Variants in MYO9B observed in about 807,000 individuals in gnomAD.
MYO9B encodes the protein myosin IXB.
Under a neutral mutation model 229.5 loss-of-function variants are expected in MYO9B, and 71 were observed. That is an observed-to-expected ratio of 0.31 (90% CI 0.26 to 0.38). MYO9B has a LOEUF of 0.38. Among genes scored for constraint, MYO9B ranks in the 10% least tolerant of loss-of-function variants. The pLI is 1.00. For synonymous variants in MYO9B, 1,185 were observed against 1,235.8 expected (o/e 0.96, Z 0.86); for missense variants, 2,255 against 2,920.5 (o/e 0.77, Z 5.25).
At chr19:17,077,053 C>T (rs913664836) in intron 1 of MYO9B, among the ~76,000 whole-genome samples, 5 of 152,120 alleles carry the variant, frequency 3.3e-5, no homozygotes, top group Non-Finnish European at 7.4e-5. Context: ...CAGAGAGTCC[C>T]AACTCGGTTT....
chr19:17,203,024 G>A lies in MYO9B; in HGVS notation c.4879-123G>A, dbSNP rs2305764. ...ACACGTGTGAGTGTGTTTTTCCCCCGGCATATACGGAGCCGTAGTCTTGAA... is the reference window on the plus strand; with the variant it reads ...ACACGTGTGAGTGTGTTTTTCCCCCAGCATATACGGAGCCGTAGTCTTGAA... On this transcript the variant is annotated intron_variant, in intron 29 of 39. Transcript: ENST00000682292. 598,985 of 1,359,810 alleles carry A rather than the reference G, an allele frequency of 0.44. 139,241 individuals are homozygous for A. The highest frequency in any genetic ancestry group is 0.75 in the East Asian group (29,621 of 39,380). 84.2% of individuals were successfully genotyped at this position (1,359,810 alleles called of 1,614,324 possible).
chr19:17,081,546 C>T (rs561230104), intron 1 of MYO9B, among the ~76,000 whole-genome samples: 42 of 152,182 alleles, frequency 2.8e-4, no homozygotes, highest in Admixed American at 2.6e-3. Context: ...CAGTGGCTTA[C>T]GCCTGTAATC....
chr19:17,162,253 C>A lies in MYO9B; in HGVS notation c.1420-97C>A, dbSNP rs1343330192. ...CCAGGAGGTGGAGGTTGCAGTGAGC[C>A]GAGATCATGCCACTGCACTCCAGCC... On this transcript the variant is annotated intron_variant, in intron 8 of 39. Coordinates refer to ENST00000682292, the MANE Select transcript of MYO9B (RefSeq NM_004145.4). 3 of 989,498 alleles carry A rather than the reference C, an allele frequency of 3.0e-6. No homozygotes were observed. In the East Asian group the frequency reaches 8.1e-5, roughly 27 times the overall value. The allele number at this position is 989,498 out of a possible 1,614,324, so 61.3% of individuals were successfully genotyped here. A position where few individuals can be genotyped will look rare whatever the true frequency, so the allele number is the denominator to read the frequency against.
Position 17,213,210 on chromosome 19 carries a change from C to T in MYO9B, c.*900C>T, listed in dbSNP as rs1022429349. 4 of 152,338 alleles carry T rather than the reference C, an allele frequency of 2.6e-5. No homozygotes were observed. The highest frequency in any genetic ancestry group is 9.6e-5 in the African/African-American group (4 of 41,474). 9.4% of individuals were successfully genotyped at this position (152,338 alleles called of 1,614,324 possible). A position where few individuals can be genotyped will look rare whatever the true frequency, so the allele number is the denominator to read the frequency against. On this transcript the variant is annotated 3_prime_UTR_variant, in exon 40 of 40. Transcript: ENST00000682292. Reference sequence around the variant, plus strand: ...TCCTCTCTCAGGCTTGGCCCACTCCCCCAGACACCTGGACACGTGGCCACA... The same window carrying T: ...TCCTCTCTCAGGCTTGGCCCACTCCTCCAGACACCTGGACACGTGGCCACA...
intron 1 of MYO9B, among the ~76,000 whole-genome samples, chr19:17,085,297 G>A (rs113263688): frequency 1.3e-5 from 2 of 152,190 alleles, no homozygotes; most frequent in African/African-American, 4.8e-5. Context: ...AGGAGGAGGA[G>A]CATCTGTCTG....
At chr19:17,152,863 C>T (rs1172577220) in intron 4 of MYO9B, 157 bp downstream of exon 4, 1 of 630,164 alleles carries the variant, frequency 1.6e-6, no homozygotes, top group Non-Finnish European at 2.7e-6. Context: ...TCCATCTTCT[C>T]CCCAGACCTG....
rs761009241 is a variant in MYO9B, at chr19:17,102,489, G to A, written c.772G>A (p.Ala258Thr). ...STNFLIHCLT[A>T]LSQKGYASGV... ...CAACTTCCTCATCCACTGCCTCACC[G>A]CCCTCAGCCAGAAGGGCTACGCCAG... The change falls in exon 2 of 40, where the codon GCC (alanine) becomes ACC (threonine). Residue 258 changes from alanine (A) to threonine (T), a missense_variant. Physicochemically the swap from Ala to Thr is moderately conservative, Grantham distance 58 (BLOSUM62 0). Around this residue, in one of 7 missense-constraint regions of MYO9B, gnomAD observed 386 missense variants for 515.2 expected, o/e 0.75. Coordinates refer to ENST00000682292, the MANE Select transcript of MYO9B (RefSeq NM_004145.4). The A allele has an allele frequency of 1.9e-6, 3 of 1,613,450 alleles. No individual in the cohort carries two copies. Among genetic ancestry groups the A allele is most frequent in the Non-Finnish European group, 2.5e-6 (3 of 1,179,700 alleles).
At chr19:17,109,937 C>T (rs763340476) in intron 2 of MYO9B, among the ~76,000 whole-genome samples, 6 of 152,150 alleles carry the variant, frequency 3.9e-5, no homozygotes, top group Non-Finnish European at 7.3e-5. Flanking sequence ...ACAAGTCAAC[C>T]CACTGCAGGT....
chr19:17,135,956 C>T (rs1238125033), intron 2 of MYO9B, among the ~76,000 whole-genome samples: 2 of 152,102 alleles, frequency 1.3e-5, no homozygotes, highest in African/African-American at 4.8e-5. Flanking sequence ...TACGGGGACC[C>T]TGACTCAGAG....
intron 2 of MYO9B, among the ~76,000 whole-genome samples, chr19:17,104,224 G>A (rs989497547): frequency 6.6e-6 from 1 of 152,184 alleles, no homozygotes; most frequent in Non-Finnish European, 1.5e-5. Flanking sequence ...AAGCCAGCAA[G>A]GCGTACGGCA....
intron 10 of MYO9B, among the ~76,000 whole-genome samples, chr19:17,166,276 C>G (rs2072658364): frequency 6.6e-6 from 1 of 152,174 alleles, no homozygotes; most frequent in Non-Finnish European, 1.5e-5. Flanking sequence ...CTCCTAACTT[C>G]AGGTGATCTG....
At chr19:17,189,829 T>G (rs2072961383) in intron 19 of MYO9B, among the ~76,000 whole-genome samples, 1 of 151,736 alleles carries the variant, frequency 6.6e-6, no homozygotes, top group Non-Finnish European at 1.5e-5. Flanking sequence ...TTTGGGAGCC[T>G]GAGGCGGGCG....
intron 18 of MYO9B, among the ~76,000 whole-genome samples, chr19:17,186,692 G>A (rs957124126): frequency 1.3e-5 from 2 of 152,062 alleles, no homozygotes; most frequent in African/African-American, 4.8e-5. Context: ...CCCCAGTCAT[G>A]ACAACCCTCC....
At chr19:17,210,422 T>C (rs541151069) in intron 37 of MYO9B, 42 bp downstream of exon 37, 2 of 1,542,310 alleles carry the variant, frequency 1.3e-6, no homozygotes, top group South Asian at 2.4e-5. Flanking sequence ...TGTCTCCCGG[T>C]GCAGTGCATG....
intron 1 of MYO9B, among the ~76,000 whole-genome samples, chr19:17,087,930 CA>C (rs60243402): frequency 1.4e-3 from 139 of 99,564 alleles, no homozygotes; most frequent in African/African-American, 2.6e-3. Context: ...AACTCCGTCT[CA>C]AAAAAAAAAA....
chr19:17,183,896 C>T (rs371642717), intron 16 of MYO9B, 28 bp downstream of exon 16: 2 of 1,550,832 alleles, frequency 1.3e-6, no homozygotes. Flanking sequence ...CCCCGCGCGA[C>T]ACGTTCCAAG....
chr19:17,206,861 C>A, intron 34 of MYO9B, 77 bp downstream of exon 34: 1 of 1,341,490 alleles, frequency 7.5e-7, no homozygotes, highest in Non-Finnish European at 1.0e-6. Flanking sequence ...CCCAGGAGGA[C>A]CCGAGCTGGC....
chr19:17,088,886 C>A (rs2057610062), intron 1 of MYO9B, among the ~76,000 whole-genome samples: 1 of 151,916 alleles, frequency 6.6e-6, no homozygotes, highest in South Asian at 2.1e-4. Context: ...ATTGGGGGGT[C>A]TTTCTTTGTT....
rs1326765952 is a variant in MYO9B at position 17,212,291 on chromosome 19, CG to C, written c.6458del (p.Gly2153AlafsTer10). 6.6e-7 allele frequency: 1 copy of C among 1,516,848 alleles called. No homozygotes were observed. Among genetic ancestry groups the C allele is most frequent in the Non-Finnish European group, 8.8e-7 (1 of 1,140,946 alleles). The allele number at this position is 1,516,848 out of a possible 1,614,324, so 94.0% of individuals were successfully genotyped here. A position where few individuals can be genotyped will look rare whatever the true frequency, so the allele number is the denominator to read the frequency against. On this transcript the variant is annotated frameshift_variant, in exon 40 of 40. Transcript: ENST00000682292. LOFTEE classifies it high-confidence loss of function. This position sits in a 1 kb window ranked among gnomAD's most constrained non-coding sequence, Gnocchi z 5.4. ...DPPTYCLPPA[S>X]GQTNG ...CCAACGTACTGCCTGCCCCCCGCCTCGGGCCAGACCAATGGCTGAGAGCCAC... is the reference window on the plus strand; with the variant it reads ...CCAACGTACTGCCTGCCCCCCGCCTCGGCCAGACCAATGGCTGAGAGCCAC...
Sources: allele counts gnomAD v4.1 joint callset (sites outside exome capture counted in the v4.1 genomes callset), GRCh38; gene constraint gnomAD v4.1.1; regional missense constraint gnomAD v4.1.1; non-coding constraint Gnocchi (gnomAD v3.1); transcripts MANE v1.5; gene names NCBI Gene and HGNC (gene_info 2026-07-23, HGNC 2026-07-21).